The following GBE1 variants were observed in gnomAD, a reference collection of about 807,000 sequenced individuals.
GBE1 encodes the protein 1,4-alpha-glucan-branching enzyme.
A neutral mutation model predicts 88.8 loss-of-function variants in GBE1; 70 were observed. The ratio of observed to expected loss-of-function variants is 0.79; its 90% confidence interval spans 0.65 to 0.96. GBE1 has a LOEUF of 0.96. Among genes scored for constraint, GBE1 ranks in the 40% least tolerant of loss-of-function variants. The probability of loss-of-function intolerance (pLI) is 0.00; values close to 1 mark genes in which losing one functional copy is unlikely to be tolerated. For missense variants in GBE1, 872 were observed against 871.0 expected (o/e 1.00, Z -0.01); for synonymous variants, 284 against 300.1 (o/e 0.95, Z 0.56).
chr3:81,655,772 G>T (rs141707981), intron 3 of GBE1, among the ~76,000 whole-genome samples: 6,494 of 151,744 alleles, frequency 0.043, 466 homozygotes, highest in East Asian at 0.35. Flanking sequence ...CACATGCCTC[G>T]GTCTCCCAAA....
intron 2 of GBE1, among the ~76,000 whole-genome samples, chr3:81,687,155 G>A (rs185038108): frequency 3.9e-5 from 6 of 152,244 alleles, no homozygotes; most frequent in Non-Finnish European, 5.9e-5. Context: ...TTTTCTAACC[G>A]ATAGTCTATG....
intron 1 of GBE1, among the ~76,000 whole-genome samples, chr3:81,731,232 G>C (rs1706180957): frequency 1.3e-5 from 2 of 152,118 alleles, no homozygotes; most frequent in African/African-American, 4.8e-5. Context: ...TGGAGAAGTG[G>C]AGTAGATCAC....
chr3:81,759,521 AG>A (rs1159067010), intron 1 of GBE1, among the ~76,000 whole-genome samples: 1 of 152,236 alleles, frequency 6.6e-6, no homozygotes, highest in Non-Finnish European at 1.5e-5. Context: ...TTATTCTTCA[AG>A]TGTTAACAAT....
intron 7 of GBE1, among the ~76,000 whole-genome samples, chr3:81,614,971 G>A (rs879319766): frequency 5.9e-5 from 9 of 152,096 alleles, no homozygotes; most frequent in Admixed American, 1.3e-4. Flanking sequence ...AGGAGCTCAA[G>A]GCTACAGTGA....
chr3:81,742,390 T>C (rs1706361630), intron 1 of GBE1, among the ~76,000 whole-genome samples: 1 of 152,112 alleles, frequency 6.6e-6, no homozygotes, highest in Non-Finnish European at 1.5e-5. Context: ...TAAAATTCTA[T>C]TCATTAAAAA....
At chr3:81,561,307 C>T (rs1253275065) in intron 12 of GBE1, among the ~76,000 whole-genome samples, 1 of 151,960 alleles carries the variant, frequency 6.6e-6, no homozygotes, top group Admixed American at 6.6e-5. Context: ...TGGACTAAAA[C>T]AATTTTCCAG....
chr3:81,547,663 C>G (rs1202556932), intron 12 of GBE1, among the ~76,000 whole-genome samples: 1 of 145,874 alleles, frequency 6.9e-6, no homozygotes, highest in Non-Finnish European at 1.5e-5. Flanking sequence ...CTCTCTCTCT[C>G]TCTCTTTCTC....
intron 9 of GBE1, among the ~76,000 whole-genome samples, chr3:81,590,776 G>A (rs756664597): frequency 6.6e-5 from 10 of 152,042 alleles, no homozygotes; most frequent in African/African-American, 9.7e-5. Context: ...CCACTGATTA[G>A]GACATTTAAC....
chr3:81,695,532 TCTTTTGG>T (rs1705578786), intron 2 of GBE1, among the ~76,000 whole-genome samples: 1 of 152,176 alleles, frequency 6.6e-6, no homozygotes. Flanking sequence ...GTATGAGGTT[TCTTTTGG>T]GGTGACGGAA....
intron 7 of GBE1, among the ~76,000 whole-genome samples, chr3:81,595,946 G>C (rs1360146283): frequency 1.3e-5 from 2 of 151,936 alleles, no homozygotes; most frequent in Non-Finnish European, 2.9e-5. Flanking sequence ...TCATGAGTTA[G>C]AAACTGTATT....
chr3:81,624,112 C>T (rs532523959), intron 7 of GBE1, among the ~76,000 whole-genome samples: 1 of 152,270 alleles, frequency 6.6e-6, no homozygotes, highest in Admixed American at 6.5e-5. Flanking sequence ...AGGAAACTTA[C>T]AATCATGGCA....
intron 2 of GBE1, among the ~76,000 whole-genome samples, chr3:81,702,737 G>A (rs1196695143): frequency 6.6e-6 from 1 of 151,934 alleles, no homozygotes. Context: ...GTTAACAGAG[G>A]ACATTTTTAC....
At chr3:81,573,983 C>T (rs1040422727) in intron 12 of GBE1, among the ~76,000 whole-genome samples, 2 of 152,152 alleles carry the variant, frequency 1.3e-5, no homozygotes, top group African/African-American at 2.4e-5. Flanking sequence ...CTCAGACTTC[C>T]TCACACATGA....
chr3:81,590,582 G>C (rs542996435), intron 9 of GBE1, among the ~76,000 whole-genome samples: 1 of 151,972 alleles, frequency 6.6e-6, no homozygotes, highest in Non-Finnish European at 1.5e-5. Flanking sequence ...CAATCTGAGA[G>C]CAATAACATA....
At chr3:81,735,188 G>C (rs981825702) in intron 1 of GBE1, among the ~76,000 whole-genome samples, 1 of 152,120 alleles carries the variant, frequency 6.6e-6, no homozygotes, top group Non-Finnish European at 1.5e-5. Context: ...GGAAAGCAAA[G>C]CAACTAAGAG....
chr3:81,735,251 C>A (rs529766622), intron 1 of GBE1, among the ~76,000 whole-genome samples: 1 of 152,282 alleles, frequency 6.6e-6, no homozygotes, highest in Admixed American at 6.5e-5. Flanking sequence ...AAGATCCATT[C>A]ATCCAATCAG....
chr3:81,530,129 T>C (rs1272085752), intron 14 of GBE1, among the ~76,000 whole-genome samples: 1 of 151,978 alleles, frequency 6.6e-6, no homozygotes, highest in Non-Finnish European at 1.5e-5. Flanking sequence ...CTTCAGTTTG[T>C]CAACTGAATT....
At chr3:81,702,100 A>AGT (rs753389984) in intron 2 of GBE1, among the ~76,000 whole-genome samples, 155 of 76,222 alleles carry the variant, frequency 2.0e-3, no homozygotes, top group South Asian at 3.2e-3. Flanking sequence ...AGAGAGAGAG[A>AGT]GAGTGTGTGT....
intron 1 of GBE1, among the ~76,000 whole-genome samples, chr3:81,747,371 T>C (rs978534941): frequency 9.2e-5 from 14 of 152,140 alleles, no homozygotes; most frequent in Non-Finnish European, 2.9e-5. Flanking sequence ...GTGTAGAACA[T>C]ATAATGAACT....
Sources: gnomAD v4.1 joint callset for allele counts (sites outside exome capture counted in the v4.1 genomes callset) on GRCh38, gnomAD v4.1.1 for gene constraint, MANE v1.5 for transcripts, NCBI Gene and HGNC (gene_info 2026-07-23, HGNC 2026-07-21) for gene names.